The following SGCD variants were observed in gnomAD, a reference collection of about 807,000 sequenced individuals.
SGCD encodes delta-sarcoglycan.
A neutral mutation model predicts 36.6 loss-of-function variants in SGCD; 18 were observed. The ratio of observed to expected loss-of-function variants is 0.49; its 90% confidence interval spans 0.34 to 0.73. The LOEUF (loss-of-function observed/expected upper bound fraction) is 0.73, where lower values mean the gene tolerates loss of function less well. SGCD is among the 30% of genes least tolerant of loss of function. The probability of loss-of-function intolerance (pLI) is 0.01; values close to 1 mark genes in which losing one functional copy is unlikely to be tolerated. For missense variants in SGCD, 387 were observed against 346.7 expected (o/e 1.12, Z -0.92); for synonymous variants, 133 against 130.6 (o/e 1.02, Z -0.12).
intron 3 of SGCD, among the ~76,000 whole-genome samples, chr5:156,379,816 AG>A (rs1406885060): frequency 6.6e-6 from 1 of 152,164 alleles, no homozygotes; most frequent in Non-Finnish European, 1.5e-5. Flanking sequence ...GTTGATTGTG[AG>A]AAAAGGAGAA....
chr5:156,045,084 G>A (rs753681862), intron 1 of SGCD, among the ~76,000 whole-genome samples: 8 of 152,138 alleles, frequency 5.3e-5, no homozygotes, highest in Non-Finnish European at 8.8e-5. Flanking sequence ...GAACATTTGA[G>A]ACAGAAAGAG....
chr5:156,362,948 A>G (rs752433170), intron 3 of SGCD, among the ~76,000 whole-genome samples: 2 of 152,148 alleles, frequency 1.3e-5, no homozygotes, highest in Non-Finnish European at 2.9e-5. Flanking sequence ...ATGGCTTTAC[A>G]TCTGGGATAA....
chr5:156,423,790 A>G lies in SGCD; in HGVS notation c.192+79113A>G, dbSNP rs192912886. 2.6e-4 allele frequency among the ~76,000 whole-genome samples: 40 copies of G among 152,020 alleles called. 1 individual carries two copies. The East Asian group carries it at 7.7e-3, about 29-fold the overall frequency. On this transcript the variant is annotated intron_variant, in intron 3 of 8. Transcript: ENST00000337851. ...TCTTGACTCTAAAGTCTACTATGTG[A>G]CCTTAGTAAGTAGCTTTACTGTTCT...
the SGCD span, among the ~76,000 whole-genome samples, chr5:155,813,784 G>A: frequency 1.3e-5 from 2 of 152,082 alleles, no homozygotes; most frequent in Admixed American, 1.3e-4. Flanking sequence ...GTATTCCTTT[G>A]AATGTTAGTT....
chr5:156,669,703 G>T (rs543950780), intron 7 of SGCD, among the ~76,000 whole-genome samples: 1 of 152,236 alleles, frequency 6.6e-6, no homozygotes, highest in South Asian at 2.1e-4. Flanking sequence ...CATGTAGGAA[G>T]CACAAATATG....
chr5:156,254,478 T>C (rs1473813875), intron 3 of SGCD, among the ~76,000 whole-genome samples: 1 of 152,344 alleles, frequency 6.6e-6, no homozygotes, highest in East Asian at 1.9e-4. Flanking sequence ...GTGGATTTTT[T>C]CCTGTATATG....
intron 7 of SGCD, among the ~76,000 whole-genome samples, chr5:156,749,006 C>A (rs60743126): frequency 6.6e-6 from 1 of 152,114 alleles, no homozygotes; most frequent in African/African-American, 2.4e-5. Flanking sequence ...TTCAGATGAT[C>A]TGCCCACCTC....
At chr5:156,186,294 G>T (rs1165225977) in intron 3 of SGCD, among the ~76,000 whole-genome samples, 1 of 152,072 alleles carries the variant, frequency 6.6e-6, no homozygotes, top group Non-Finnish European at 1.5e-5. Context: ...TGACTGGTGG[G>T]TAGTTGGGGG....
intron 3 of SGCD, among the ~76,000 whole-genome samples, chr5:156,310,396 G>T (rs1767360575): frequency 1.3e-5 from 2 of 152,200 alleles, no homozygotes; most frequent in East Asian, 1.9e-4. Flanking sequence ...CTTGATATTT[G>T]GAAGACAGGC....
At position 156,767,367 on chromosome 5, in the gene SGCD, G is replaced by A. The variant is rs1401539223; in HGVS notation, c.*7977G>A. On this transcript the variant is annotated 3_prime_UTR_variant, in exon 9 of 9. Coordinates refer to ENST00000337851, the MANE Select transcript of SGCD (RefSeq NM_000337.6). ...TCTTAAGGAGGTCGTGTTTTAGAAGGAAAAGGCAGAGGCTATCCATCATTA... is the reference window on the plus strand; with the variant it reads ...TCTTAAGGAGGTCGTGTTTTAGAAGAAAAAGGCAGAGGCTATCCATCATTA... 3 of 150,946 alleles carry A rather than the reference G, an allele frequency of 2.0e-5. No homozygotes were observed. Among genetic ancestry groups the A allele is most frequent in the Non-Finnish European group, 4.4e-5 (3 of 67,874 alleles). 9.4% of individuals were successfully genotyped at this position (150,946 alleles called of 1,614,324 possible).
intron 3 of SGCD, among the ~76,000 whole-genome samples, chr5:156,126,068 A>T (rs1319270606): frequency 5.9e-5 from 9 of 151,694 alleles, no homozygotes. Context: ...TTTAGGAGAA[A>T]TGGGGTTTTG....
intron 2 of SGCD, among the ~76,000 whole-genome samples, chr5:156,339,477 G>A (rs756940601): frequency 2.0e-5 from 3 of 152,140 alleles, no homozygotes; most frequent in Admixed American, 6.6e-5. Flanking sequence ...ACTGTTTAAC[G>A]TTGGCTTGAT....
intron 6 of SGCD, among the ~76,000 whole-genome samples, chr5:156,605,538 T>A (rs984108979): frequency 3.3e-5 from 5 of 152,188 alleles, no homozygotes; most frequent in South Asian, 2.1e-4. Context: ...TAGCAGCATG[T>A]TTTATAATCC....
chr5:156,286,825 A>AT lies in SGCD; in HGVS notation c.-43-42709_-43-42708insT, dbSNP rs531192702. 3.9e-4 allele frequency among the ~76,000 whole-genome samples: 57 copies of AT among 145,516 alleles called. No homozygotes were observed. The South Asian group carries it at 9.4e-3, about 24-fold the overall frequency. ...GTACCCTAAAACTTAAAGTATAATA[A>AT]AAAAAAAAAGAGCACATACAATGCT... On this transcript the variant is annotated intron_variant, in intron 3 of 9. Coordinates refer to the SGCD transcript ENST00000517913.
chr5:155,863,176 C>T, the SGCD span, among the ~76,000 whole-genome samples: 2 of 152,184 alleles, frequency 1.3e-5, no homozygotes, highest in African/African-American at 4.8e-5. Context: ...GTCACTCTCC[C>T]AGGGCATGGA....
intron 4 of SGCD, among the ~76,000 whole-genome samples, chr5:156,549,904 T>C (rs1038210454): frequency 1.3e-5 from 2 of 152,246 alleles, no homozygotes; most frequent in African/African-American, 2.4e-5. Flanking sequence ...AAGTGGAAAC[T>C]GAATGCAAAT....
intron 1 of SGCD, among the ~76,000 whole-genome samples, chr5:156,116,787 A>C (rs574170876): frequency 5.3e-5 from 8 of 152,316 alleles, no homozygotes; most frequent in African/African-American, 1.9e-4. Context: ...GTTTATTGGA[A>C]AGATTTCATG....
chr5:156,133,517 C>T (rs940292459), intron 3 of SGCD, among the ~76,000 whole-genome samples: 2 of 151,962 alleles, frequency 1.3e-5, no homozygotes, highest in Non-Finnish European at 2.9e-5. Flanking sequence ...TTGAAACCAC[C>T]CTGTTGGATT....
the SGCD span, among the ~76,000 whole-genome samples, chr5:155,764,514 G>T: frequency 6.6e-6 from 1 of 152,146 alleles, no homozygotes; most frequent in East Asian, 1.9e-4. Flanking sequence ...GAGGCTGAAA[G>T]GTCAGCAGCT....
Sources: gnomAD v4.1 joint callset for allele counts (sites outside exome capture counted in the v4.1 genomes callset) on GRCh38, gnomAD v4.1.1 for gene constraint, MANE v1.5 for transcripts, NCBI Gene and HGNC (gene_info 2026-07-23, HGNC 2026-07-21) for gene names.